Variants in PEAK1 observed in about 807,000 individuals in gnomAD.
The protein encoded by PEAK1 is inactive tyrosine-protein kinase PEAK1.
In PEAK1, 54 loss-of-function variants were observed where a neutral mutation model predicts 124.7. The observed-to-expected ratio is 0.43, with a 90% CI of 0.35 to 0.54. The LOEUF (loss-of-function observed/expected upper bound fraction) is 0.54, where lower values mean the gene tolerates loss of function less well. Among genes scored for constraint, PEAK1 ranks in the 20% least tolerant of loss-of-function variants. PEAK1 has a pLI of 0.01. For missense variants in PEAK1, 2,046 were observed against 2,134.5 expected, an observed-to-expected ratio of 0.96 and a Z score of 0.82; for synonymous variants, 719 against 760.0, an observed-to-expected ratio of 0.95 and a Z score of 0.89.
chr15:77,201,394 C>A (rs2058359010), intron 6 of PEAK1, among the ~76,000 whole-genome samples: 1 of 151,958 alleles, frequency 6.6e-6, no homozygotes, highest in South Asian at 2.1e-4. Context: ...CCCGCCACCA[C>A]ACCTGGCTAT....
rs1463224998 is a variant in PEAK1 at position 77,181,653 on chromosome 15, G to C, written c.274C>G (p.Gln92Glu). The part of the protein sequence containing the change: ...GQSICGELSI[Q>E]EHCENKPVII... ...ACAGGTTTGTTCTCACAGTGTTCTTGGATGCTAAGCTCACCACATATACTT... is the reference window on the plus strand; with the variant it reads ...ACAGGTTTGTTCTCACAGTGTTCTTCGATGCTAAGCTCACCACATATACTT... Residue 92 changes from glutamine to glutamate, a missense_variant, in exon 7 of 10, where the codon CAA becomes GAA. Coordinates refer to ENST00000682557, the MANE Select transcript of PEAK1 (RefSeq NM_001385026.1). 1.9e-6 allele frequency: 3 copies of C among 1,613,960 alleles called. No individual in the cohort carries two copies. In the East Asian group the frequency reaches 6.7e-5, roughly 36 times the overall value.
chr15:77,164,284 T>C (rs912947752), intron 7 of PEAK1, among the ~76,000 whole-genome samples: 4 of 152,200 alleles, frequency 2.6e-5, no homozygotes, highest in Non-Finnish European at 4.4e-5. Context: ...ACTGAAAATG[T>C]TGAATTTCTT....
At chr15:77,292,496 A>C (rs528660893) in intron 2 of PEAK1, among the ~76,000 whole-genome samples, 41 of 152,296 alleles carry the variant, frequency 2.7e-4, no homozygotes, top group African/African-American at 9.6e-4. Context: ...TTACCAAAAA[A>C]AAAAAGCACA....
At chr15:77,263,703 T>C (rs2061562269) in intron 5 of PEAK1, among the ~76,000 whole-genome samples, 1 of 152,194 alleles carries the variant, frequency 6.6e-6, no homozygotes, top group African/African-American at 2.4e-5. Context: ...CCATTCCTTC[T>C]GAAACTATTC....
chr15:77,301,148 T>C (rs2063764312), intron 2 of PEAK1, among the ~76,000 whole-genome samples: 1 of 152,170 alleles, frequency 6.6e-6, no homozygotes, highest in African/African-American at 2.4e-5. Flanking sequence ...AAGAATCAAG[T>C]AATTAGCAGG....
intron 2 of PEAK1, chr15:77,333,435 G>A (rs994014146): frequency 1.4e-5 from 13 of 962,120 alleles, no homozygotes; most frequent in African/African-American, 3.5e-5. Context: ...CTTTTTGCTT[G>A]TATATTTCTT....
intron 8 of PEAK1, among the ~76,000 whole-genome samples, chr15:77,135,476 A>G (rs903179083): frequency 6.6e-6 from 1 of 152,196 alleles, no homozygotes; most frequent in Non-Finnish European, 1.5e-5. Context: ...CCTAGGCCAT[A>G]TGGTATAGCC....
At chr15:77,191,633 G>C (rs1214012551) in intron 6 of PEAK1, among the ~76,000 whole-genome samples, 1 of 152,196 alleles carries the variant, frequency 6.6e-6, no homozygotes, top group Non-Finnish European at 1.5e-5. Context: ...CTTGTGTTTT[G>C]CATCAATTTC....
intron 1 of PEAK1, among the ~76,000 whole-genome samples, chr15:77,368,120 T>C (rs2068380604): frequency 6.6e-6 from 1 of 152,200 alleles, no homozygotes; most frequent in Non-Finnish European, 1.5e-5. Context: ...ATAACATATA[T>C]TTAGAATGTA....
At chr15:77,402,921 G>A (rs1257621171) in intron 1 of PEAK1, 1 of 985,196 alleles carries the variant, frequency 1.0e-6, no homozygotes, top group Non-Finnish European at 1.2e-6. Flanking sequence ...TCATAGCTGA[G>A]GCCAGAAAAA....
rs190668184 is a variant in PEAK1 at position 77,322,583 on chromosome 15, A to G, written c.-602-36079T>C. ...ACCCTCCCAAGACTAAACCAGGAAG[A>G]AGCTGAATCTCTGAATAGACCAATA... On this transcript the variant is annotated intron_variant, in intron 2 of 9. Transcript: ENST00000682557. Among the ~76,000 whole-genome samples the G allele has an allele frequency of 7.3e-3, 1,113 of 152,346 alleles. 15 individuals carry two copies. The highest frequency in any genetic ancestry group is 0.025 in the African/African-American group (1,057 of 41,578).
chr15:77,340,941 C>T (rs542619164), intron 2 of PEAK1, among the ~76,000 whole-genome samples: 1 of 151,700 alleles, frequency 6.6e-6, no homozygotes, highest in Admixed American at 6.6e-5. Context: ...AAGTACTATA[C>T]TTACAATTAT....
intron 8 of PEAK1, chr15:77,157,232 G>T (rs578211115): frequency 2.0e-5 from 3 of 152,312 alleles, no homozygotes; most frequent in Admixed American, 2.0e-4. Flanking sequence ...AAGGAGATGA[G>T]AAATGAGGTA....
Position 77,181,093 on chromosome 15 carries a change from G to A in PEAK1, c.834C>T (p.Asn278=), listed in dbSNP as rs778588182. The A allele has an allele frequency of 8.7e-6, 14 of 1,614,206 alleles. No individual in the cohort carries two copies. Among genetic ancestry groups the A allele is most frequent in the African/African-American group, 1.3e-5 (1 of 75,056 alleles). The stretch of plus-strand genomic sequence containing the variant: ...CAAAGAATCGAACAGGAGACAATGT[G>A]TTTGCTCTGAAGTTGGCAAAGCGAG... ...GQPRFANFRA[N]TLSPVRFFVD... Residue 278 remains asparagine (N), a synonymous_variant, in exon 7 of 10, where the codon AAC becomes AAT. Coordinates refer to ENST00000682557, the MANE Select transcript of PEAK1 (RefSeq NM_001385026.1).
At chr15:77,243,365 T>C (rs1039935285) in intron 6 of PEAK1, among the ~76,000 whole-genome samples, 4 of 152,250 alleles carry the variant, frequency 2.6e-5, no homozygotes, top group Non-Finnish European at 4.4e-5. Context: ...GTTGTTTCCA[T>C]GGCAACTGCA....
intron 1 of PEAK1, among the ~76,000 whole-genome samples, chr15:77,406,765 A>C (rs901514550): frequency 1.3e-5 from 2 of 152,182 alleles, no homozygotes; most frequent in Non-Finnish European, 2.9e-5. Flanking sequence ...TCTTCATAGA[A>C]AAAATGATCC....
chr15:77,316,136 C>T (rs2064855156), intron 2 of PEAK1, among the ~76,000 whole-genome samples: 1 of 152,096 alleles, frequency 6.6e-6, no homozygotes, highest in African/African-American at 2.4e-5. Flanking sequence ...TGTAATGCCA[C>T]CACAGTATTA....
chr15:77,259,073 C>T (rs1489245763), intron 5 of PEAK1, among the ~76,000 whole-genome samples: 2 of 151,922 alleles, frequency 1.3e-5, no homozygotes, highest in African/African-American at 4.8e-5. Flanking sequence ...GATTTTTTAC[C>T]GTAAAGGTAG....
chr15:77,132,352 T>C (rs1188657636), intron 9 of PEAK1, among the ~76,000 whole-genome samples: 2 of 151,756 alleles, frequency 1.3e-5, no homozygotes, highest in African/African-American at 2.4e-5. Flanking sequence ...CCCAAAGTGC[T>C]GGGATTATAG....
Sources: gnomAD v4.1 joint callset for allele counts (sites outside exome capture counted in the v4.1 genomes callset) on GRCh38, gnomAD v4.1.1 for gene constraint, MANE v1.5 for transcripts, NCBI Gene and HGNC (gene_info 2026-07-23, HGNC 2026-07-21) for gene names.